NUDT4: variants seen among roughly 807,000 people sequenced by gnomAD.
The protein encoded by NUDT4 is diphosphoinositol polyphosphate phosphohydrolase 2.
NUDT4 carries 5 observed loss-of-function variants against 23.1 expected under a neutral mutation model. That is an observed-to-expected ratio of 0.22 (90% CI 0.11 to 0.46). The LOEUF is 0.46. Ranked by LOEUF, NUDT4 falls within the 20% of genes least tolerant of loss-of-function variation. The pLI is 0.99. For synonymous variants in NUDT4, 50 were observed against 79.0 expected, an observed-to-expected ratio of 0.63 and a Z score of 1.95; for missense variants, 96 against 211.6, an observed-to-expected ratio of 0.45 and a Z score of 3.39.
intron 1 of NUDT4, among the ~76,000 whole-genome samples, chr12:93,389,793 C>T (rs1876358018): frequency 1.3e-5 from 2 of 149,138 alleles, no homozygotes; most frequent in Admixed American, 6.7e-5. Flanking sequence ...CCCAGCTACT[C>T]GGGAGGCTGA....
intron 1 of NUDT4, among the ~76,000 whole-genome samples, chr12:93,391,563 TC>T (rs145383033): frequency 0.19 from 23,536 of 127,102 alleles, 2,116 homozygotes; most frequent in African/African-American, 0.28. Context: ...AGACTCCATT[TC>T]AAAAAAAAAA....
At chr12:93,387,931 G>A (rs1031636019) in intron 1 of NUDT4, among the ~76,000 whole-genome samples, 9 of 151,996 alleles carry the variant, frequency 5.9e-5, no homozygotes, top group African/African-American at 2.2e-4. Flanking sequence ...CTCAGTTCTT[G>A]CTCACTCTTA....
rs2121045960 is a variant in NUDT4, at chr12:93,407,699, C to T, written c.*8320C>T. ...ATCTCCCAATTTTTAAAAATGTTGG[C>T]ATCAAATTCAGAATGTTTTAACCAG... On this transcript the variant is annotated 3_prime_UTR_variant, in exon 5 of 5. Coordinates refer to ENST00000415493, the MANE Select transcript of NUDT4 (RefSeq NM_019094.6). The T allele has an allele frequency of 1.3e-5, 2 of 152,284 alleles. No homozygotes were observed. The highest frequency in any genetic ancestry group is 3.9e-4 in the East Asian group (2 of 5,188). The allele number at this position is 152,284 out of a possible 1,614,324, so 9.4% of individuals were successfully genotyped here.
At chr12:93,378,840 A>G (rs1875414637) in intron 1 of NUDT4, 18 of 960,172 alleles carry the variant, frequency 1.9e-5, no homozygotes, top group East Asian at 1.1e-4. Context: ...TTTTCCTTCC[A>G]TGTTACAGCC....
At chr12:93,378,537 T>C in intron 1 of NUDT4, 116 bp downstream of exon 1, 1 of 1,293,396 alleles carries the variant, frequency 7.7e-7, no homozygotes. Context: ...TTAGCCCCCT[T>C]CCTCCCTCCC....
intron 1 of NUDT4, among the ~76,000 whole-genome samples, chr12:93,384,866 C>T (rs1875951287): frequency 6.6e-6 from 1 of 152,192 alleles, no homozygotes; most frequent in Non-Finnish European, 1.5e-5. Flanking sequence ...AAGCCATTCT[C>T]CTGCCTCAGC....
chr12:93,393,849 TCA>T (rs1332307193), intron 1 of NUDT4, among the ~76,000 whole-genome samples: 2 of 152,222 alleles, frequency 1.3e-5, no homozygotes, highest in Non-Finnish European at 1.5e-5. Context: ...TATTTCTTTC[TCA>T]CACATCTGTT....
intron 1 of NUDT4, among the ~76,000 whole-genome samples, chr12:93,382,545 G>A (rs1875746597): frequency 6.6e-6 from 1 of 151,986 alleles, no homozygotes; most frequent in Non-Finnish European, 1.5e-5. Flanking sequence ...TTTATACTTA[G>A]AATCAACAGT....
At chr12:93,393,068 G>A (rs868504188) in intron 1 of NUDT4, among the ~76,000 whole-genome samples, 371 of 136,668 alleles carry the variant, frequency 2.7e-3, no homozygotes, top group African/African-American at 7.6e-3. Context: ...GGGTATTTTT[G>A]TAACAATTTG....
At chr12:93,378,716 C>CA in intron 1 of NUDT4, 1 of 1,109,224 alleles carries the variant, frequency 9.0e-7, no homozygotes, top group Non-Finnish European at 1.1e-6. Flanking sequence ...TAGCGGGAGT[C>CA]ACCATCTTAA....
rs1465662054 is a variant in NUDT4, at chr12:93,404,014, T to C, written c.*4635T>C. ...CCCGGTATTACTCTTAATGCATTTT[T>C]GTAACATTTGACAAACATCTCCCAA... is the stretch of plus-strand genomic sequence containing the variant. On this transcript the variant is annotated 3_prime_UTR_variant, in exon 5 of 5. Transcript: ENST00000415493. 6.6e-6 allele frequency: 1 copy of C among 152,256 alleles called. No homozygotes were observed. The highest frequency in any genetic ancestry group is 1.9e-4 in the East Asian group (1 of 5,208). The allele number at this position is 152,256 out of a possible 1,614,324, so 9.4% of individuals were successfully genotyped here.
rs777214029 is a variant in NUDT4 at position 93,399,297 on chromosome 12, C to G, written c.461C>G (p.Ser154Cys). The G allele has an allele frequency of 1.8e-6, 2 of 1,082,032 alleles. No individual in the cohort carries two copies. The highest frequency in any genetic ancestry group is 1.7e-5 in the Admixed American group (1 of 57,614). 67.0% of individuals were successfully genotyped at this position (1,082,032 alleles called of 1,614,324 possible). A position where few individuals can be genotyped will look rare whatever the true frequency, so the allele number is the denominator to read the frequency against. Residue 154 changes from serine (S) to cysteine (C), a missense_variant, in exon 5 of 5, where the codon TCT becomes TGT. By Grantham distance (112) the Ser-to-Cys change is moderately radical. Transcript: ENST00000415493. ...KLGCSPANGN[S>C]TVPSLPDNNA... ...GGTTGTTCCCCAGCCAATGGAAATT[C>G]TACAGTCCCTTCCCTTCCGGATAAT...
intron 1 of NUDT4, among the ~76,000 whole-genome samples, chr12:93,392,200 A>C (rs1339150275): frequency 1.3e-5 from 2 of 150,548 alleles, no homozygotes; most frequent in Non-Finnish European, 2.9e-5. Flanking sequence ...ATTTTAACTT[A>C]AGTGAAGTTC....
At chr12:93,393,977 TGCATACAACTCTGGCTAATAA>T (rs1381354704) in intron 1 of NUDT4, among the ~76,000 whole-genome samples, 1 of 152,210 alleles carries the variant, frequency 6.6e-6, no homozygotes, top group African/African-American at 2.4e-5. Flanking sequence ...TAGACCTCAG[TGCATACAACTCTGGCTAATAA>T]GCCAAGTTTC....
In NUDT4 at chr12:93,404,491, G is replaced by A. The variant is rs535888012; in HGVS notation, c.*5112G>A. On this transcript the variant is annotated 3_prime_UTR_variant, in exon 5 of 5. Transcript: ENST00000415493. ...ACTCCTGGGAGTCTAGTCAACAAAT[G>A]GACAAGTTGCACAACCAAGCTATGG... The A allele has an allele frequency of 9.2e-5, 14 of 152,314 alleles. No individual in the cohort carries two copies. Among genetic ancestry groups the A allele is most frequent in the African/African-American group, 3.4e-4 (14 of 41,578 alleles). The allele number at this position is 152,314 out of a possible 1,614,324, so 9.4% of individuals were successfully genotyped here.
At position 93,394,713 on chromosome 12, in the gene NUDT4, T is replaced by C. The variant is rs1430862833; in HGVS notation, c.204T>C (p.Tyr68=). The C allele has an allele frequency of 1.3e-6, 2 of 1,539,272 alleles. No individual in the cohort carries two copies. ...GCGGTGCTGCCGTGAGGGAAGTTTATGAGGAGGTGAGATGTTCTTTCACAC... is the reference window on the plus strand; with the variant it reads ...GCGGTGCTGCCGTGAGGGAAGTTTACGAGGAGGTGAGATGTTCTTTCACAC... The part of the protein sequence containing the change: ...EPGGAAVREV[Y]EEAGVKGKLG... The change falls in exon 2 of 5, where the codon TAT becomes TAC. Residue 68 remains tyrosine (Y), a synonymous_variant. Coordinates refer to ENST00000415493, the MANE Select transcript of NUDT4 (RefSeq NM_019094.6).
chr12:93,378,641 C>T (rs1875391566), intron 1 of NUDT4: 2 of 1,203,652 alleles, frequency 1.7e-6, no homozygotes, highest in South Asian at 3.6e-5. Context: ...GCCCCAGTTT[C>T]TCCATCTGGG....
intron 1 of NUDT4, among the ~76,000 whole-genome samples, chr12:93,390,396 T>G (rs1876407845): frequency 6.6e-6 from 1 of 152,222 alleles, no homozygotes; most frequent in Non-Finnish European, 1.5e-5. Context: ...CTTGCCAGTC[T>G]TGATAGAGGG....
rs1877893458 is a variant in NUDT4 at position 93,407,710 on chromosome 12, G to C, written c.*8331G>C. On this transcript the variant is annotated 3_prime_UTR_variant, in exon 5 of 5. Coordinates refer to ENST00000415493, the MANE Select transcript of NUDT4 (RefSeq NM_019094.6). ...TTTAAAAATGTTGGCATCAAATTCA[G>C]AATGTTTTAACCAGCCACACTGTGT... The C allele has an allele frequency of 6.6e-6, 1 of 152,188 alleles. No homozygotes were observed. The highest frequency in any genetic ancestry group is 1.5e-5 in the Non-Finnish European group (1 of 68,032). 9.4% of individuals were successfully genotyped at this position (152,188 alleles called of 1,614,324 possible).
Sources: allele counts gnomAD v4.1 joint callset (sites outside exome capture counted in the v4.1 genomes callset), GRCh38; gene constraint gnomAD v4.1.1; transcripts MANE v1.5; gene names NCBI Gene and HGNC (gene_info 2026-07-23, HGNC 2026-07-21).